Variants in RRAGD observed in about 807,000 individuals in gnomAD.
RRAGD encodes the protein Ras related GTP binding D.
A neutral mutation model predicts 35.5 loss-of-function variants in RRAGD; 12 were observed. The ratio of observed to expected loss-of-function variants is 0.34; its 90% CI spans 0.22 to 0.55. The LOEUF (loss-of-function observed/expected upper bound fraction) is 0.55, where lower values mean the gene tolerates loss of function less well. RRAGD is among the 20% of genes least tolerant of loss of function. The pLI, the probability that RRAGD is intolerant of heterozygous loss-of-function variation, is 0.91. For synonymous variants in RRAGD, 155 were observed against 178.9 expected, an observed-to-expected ratio of 0.87 and a Z score of 1.07; for missense variants, 324 against 490.1, an observed-to-expected ratio of 0.66 and a Z score of 3.20.
chr6:89,368,818 ATCT>A (rs1335724700), intron 6 of RRAGD, among the ~76,000 whole-genome samples: 6 of 152,210 alleles, frequency 3.9e-5, no homozygotes, highest in Non-Finnish European at 7.3e-5. Context: ...GTAGGAGGGA[ATCT>A]TCTTGTGTTT....
At chr6:89,395,006 C>CAG (rs1201231243) in intron 1 of RRAGD, among the ~76,000 whole-genome samples, 1 of 152,140 alleles carries the variant, frequency 6.6e-6, no homozygotes, top group Non-Finnish European at 1.5e-5. Context: ...CCTGTAATCT[C>CAG]AGCACTTTGG....
chr6:89,388,848 T>C (rs1021445404), intron 1 of RRAGD, among the ~76,000 whole-genome samples: 1 of 152,174 alleles, frequency 6.6e-6, no homozygotes, highest in Non-Finnish European at 1.5e-5. Flanking sequence ...GTGGGGTTGA[T>C]GGGAGACAAT....
At chr6:89,376,311 GTGTGTGT>G (rs757540200) in intron 5 of RRAGD, among the ~76,000 whole-genome samples, 7 of 140,084 alleles carry the variant, frequency 5.0e-5, no homozygotes, top group African/African-American at 1.9e-4. Flanking sequence ...GTGTGTGTGT[GTGTGTGT>G]GTGTGTGTGT....
rs140083833 is a variant in RRAGD at position 89,387,333 on chromosome 6, G to C, written c.406C>G (p.Arg136Gly). ...ACAAATATCAGTGCTCCTGTTCCCCGGAAGATCATCTCATAGTCAAATGTA... is the reference window on the plus strand; with the variant it reads ...ACAAATATCAGTGCTCCTGTTCCCCCGAAGATCATCTCATAGTCAAATGTA... ...DPTFDYEMIF[R>G]GTGALIFVID... Residue 136 changes from arginine to glycine, a missense_variant, in exon 2 of 7, where the codon CGG becomes GGG. Around this residue, in one of 5 missense-constraint regions of RRAGD, gnomAD observed 152 missense variants for 296.9 expected, o/e 0.51. Coordinates refer to ENST00000369415, the MANE Select transcript of RRAGD (RefSeq NM_021244.5). 6.2e-7 allele frequency: 1 copy of C among 1,614,100 alleles called. No homozygotes were observed.
At chr6:89,394,780 G>C (rs775953511) in intron 1 of RRAGD, among the ~76,000 whole-genome samples, 2 of 151,894 alleles carry the variant, frequency 1.3e-5, no homozygotes, top group African/African-American at 4.8e-5. Flanking sequence ...ATTTTAAAAC[G>C]GTCCAGAAGG....
At chr6:89,382,347 C>T (rs1226847703) in intron 2 of RRAGD, among the ~76,000 whole-genome samples, 3 of 149,362 alleles carry the variant, frequency 2.0e-5, no homozygotes, top group African/African-American at 7.5e-5. Flanking sequence ...CTGGAGAGGA[C>T]TGCTTGAGTT....
chr6:89,411,765 G>C lies in RRAGD; in HGVS notation c.148+81C>G. The C allele has an allele frequency of 2.1e-6, 3 of 1,443,028 alleles. No homozygotes were observed. The highest frequency in any genetic ancestry group is 2.8e-6 in the Non-Finnish European group (3 of 1,084,610). 89.4% of individuals were successfully genotyped at this position (1,443,028 alleles called of 1,614,324 possible). On this transcript the variant is annotated intron_variant, in intron 1 of 6. Coordinates refer to ENST00000369415, the MANE Select transcript of RRAGD (RefSeq NM_021244.5). The surrounding 1 kb of genome is among the most constrained non-coding windows in gnomAD (Gnocchi z 5.6). Reference sequence around the variant, plus strand: ...TGGACCCCCTCCAAGTCGGTGGCTCGCGCACGGCCGGGCTGGGGGCGGGAA... The same window carrying C: ...TGGACCCCCTCCAAGTCGGTGGCTCCCGCACGGCCGGGCTGGGGGCGGGAA...
intron 1 of RRAGD, among the ~76,000 whole-genome samples, chr6:89,404,001 A>C (rs184325730): frequency 4.4e-4 from 67 of 152,306 alleles, no homozygotes; most frequent in African/African-American, 1.5e-3. Flanking sequence ...AGAAGACATC[A>C]ATGTGGCCTT....
At chr6:89,379,564 T>C (rs1206814684) in intron 3 of RRAGD, among the ~76,000 whole-genome samples, 1 of 152,236 alleles carries the variant, frequency 6.6e-6, no homozygotes, top group Non-Finnish European at 1.5e-5. Context: ...CCTATTCTCA[T>C]CTGCCAACTG....
chr6:89,408,353 T>A (rs933141833), intron 1 of RRAGD, among the ~76,000 whole-genome samples: 4 of 152,158 alleles, frequency 2.6e-5, no homozygotes, highest in East Asian at 1.9e-4. Context: ...CTAATATTTT[T>A]AAAATTATTT....
intron 2 of RRAGD, among the ~76,000 whole-genome samples, chr6:89,386,223 G>T (rs1181220707): frequency 1.3e-5 from 2 of 152,170 alleles, no homozygotes; most frequent in South Asian, 2.1e-4. Context: ...TTTTCTAAGA[G>T]CCCCAGACAT....
rs1452153493 is a variant in RRAGD at position 89,379,425 on chromosome 6, C to T, written c.645-87G>A. The T allele has an allele frequency of 1.1e-5, 7 of 647,620 alleles. No homozygotes were observed. In the South Asian group the frequency reaches 1.1e-4, roughly 10 times the overall value. 40.1% of individuals were successfully genotyped at this position (647,620 alleles called of 1,614,324 possible). On this transcript the variant is annotated intron_variant, in intron 3 of 6. Coordinates refer to ENST00000369415, the MANE Select transcript of RRAGD (RefSeq NM_021244.5). ...CTATGTCAAAACACCGGTAATCTGCCTTCTGTATGTATAGTCCTAACACAT... is the reference window on the plus strand; with the variant it reads ...CTATGTCAAAACACCGGTAATCTGCTTTCTGTATGTATAGTCCTAACACAT...
At chr6:89,377,493 TG>T (rs1247780620) in intron 5 of RRAGD, among the ~76,000 whole-genome samples, 177 bp downstream of exon 5, 2 of 152,232 alleles carry the variant, frequency 1.3e-5, no homozygotes, top group African/African-American at 4.8e-5. Flanking sequence ...ATTAGCATAA[TG>T]CGTGGCATTT....
At chr6:89,377,990 A>G (rs73506072) in intron 4 of RRAGD, among the ~76,000 whole-genome samples, 177 bp from the exon 5 acceptor site, 185 of 152,318 alleles carry the variant, frequency 1.2e-3, no homozygotes, top group African/African-American at 4.3e-3. Context: ...AAACTTCTCT[A>G]TACTGGACTT....
intron 1 of RRAGD, among the ~76,000 whole-genome samples, chr6:89,407,292 A>C (rs569211380): frequency 6.6e-6 from 1 of 152,282 alleles, no homozygotes; most frequent in South Asian, 2.1e-4. Flanking sequence ...AGAACAAAAA[A>C]TATTTTTTTA....
intron 1 of RRAGD, among the ~76,000 whole-genome samples, chr6:89,406,593 C>CGGA (rs1345561397): frequency 6.6e-6 from 1 of 152,150 alleles, no homozygotes; most frequent in East Asian, 1.9e-4. Context: ...AAAACCGTCT[C>CGGA]CCTTCTGGCT....
At chr6:89,372,644 C>T in intron 5 of RRAGD, 59 bp from the exon 6 acceptor site, 1 of 1,482,174 alleles carries the variant, frequency 6.7e-7, no homozygotes, top group Non-Finnish European at 9.0e-7. Context: ...AAACTGTAAG[C>T]CAGTGACAAG....
At chr6:89,400,301 C>T (rs1370471280) in intron 1 of RRAGD, among the ~76,000 whole-genome samples, 1 of 152,076 alleles carries the variant, frequency 6.6e-6, no homozygotes, top group Non-Finnish European at 1.5e-5. Context: ...TGGTACAGCA[C>T]AAGAGTAAAA....
At chr6:89,373,633 A>AG (rs1406520007) in intron 5 of RRAGD, among the ~76,000 whole-genome samples, 1 of 152,134 alleles carries the variant, frequency 6.6e-6, no homozygotes, top group East Asian at 1.9e-4. Context: ...AAAAAAAAAA[A>AG]AAAGATATAT....
Sources: allele counts gnomAD v4.1 joint callset (sites outside exome capture counted in the v4.1 genomes callset), GRCh38; gene constraint gnomAD v4.1.1; regional missense constraint gnomAD v4.1.1; non-coding constraint Gnocchi (gnomAD v3.1); transcripts MANE v1.5; gene names NCBI Gene and HGNC (gene_info 2026-07-23, HGNC 2026-07-21).